The following TMEM163 variants were observed in gnomAD, a reference collection of about 807,000 sequenced individuals.
The protein encoded by TMEM163 is transmembrane protein 163.
TMEM163 carries 17 observed loss-of-function variants against 29.3 expected under a neutral mutation model. The ratio of observed to expected loss-of-function variants is 0.58; its 90% CI spans 0.40 to 0.87. The LOEUF is 0.87. TMEM163 is among the 40% of genes least tolerant of loss of function. The pLI is 0.00. For missense variants in TMEM163, 303 were observed against 381.5 expected, an observed-to-expected ratio of 0.79 and a Z score of 1.71; for synonymous variants, 157 against 160.6, an observed-to-expected ratio of 0.98 and a Z score of 0.17.
chr2:134,489,566 A>ACT (rs991367371), intron 5 of TMEM163, among the ~76,000 whole-genome samples: 10 of 142,402 alleles, frequency 7.0e-5, no homozygotes, highest in East Asian at 2.1e-4. Context: ...ACAGAGCAAG[A>ACT]CTCTCTCTCA....
intron 2 of TMEM163, among the ~76,000 whole-genome samples, chr2:134,612,835 G>A (rs1682535781): frequency 2.6e-5 from 4 of 152,156 alleles, no homozygotes; most frequent in Admixed American, 2.6e-4. Context: ...TATTTTAAAT[G>A]TCTGATCTTC....
intron 2 of TMEM163, among the ~76,000 whole-genome samples, chr2:134,558,274 G>A (rs191310525): frequency 2.0e-5 from 3 of 152,290 alleles, no homozygotes; most frequent in African/African-American, 4.8e-5. Context: ...AGTGGAGCAC[G>A]AGCAGAATGT....
intron 6 of TMEM163, among the ~76,000 whole-genome samples, chr2:134,459,700 G>A (rs1284176995): frequency 2.0e-5 from 3 of 151,708 alleles, no homozygotes; most frequent in Admixed American, 6.6e-5. Context: ...ACCTGCAGTG[G>A]TGACAGGCCC....
chr2:134,662,452 T>C (rs1683776703), intron 2 of TMEM163, among the ~76,000 whole-genome samples: 1 of 152,124 alleles, frequency 6.6e-6, no homozygotes, highest in African/African-American at 2.4e-5. Flanking sequence ...GAATGGGTAT[T>C]GGTTAAAAAG....
chr2:134,519,482 C>T lies in TMEM163; in HGVS notation c.459-16485G>A, dbSNP rs555375648. Among the ~76,000 whole-genome samples, 13 of 152,100 alleles carry T rather than the reference C, an allele frequency of 8.5e-5. No individual in the cohort carries two copies. The East Asian group carries it at 2.1e-3, about 25-fold the overall frequency. On this transcript the variant is annotated intron_variant, in intron 4 of 7. Coordinates refer to ENST00000281924, the MANE Select transcript of TMEM163 (RefSeq NM_030923.5). The stretch of plus-strand genomic sequence containing the variant: ...ATCCCAGCACTTTAGGAGGCCGAGG[C>T]GGGCAGATCATGAGGTCAGGAGATC...
chr2:134,568,383 C>G (rs1423035427), intron 2 of TMEM163, among the ~76,000 whole-genome samples: 2 of 152,036 alleles, frequency 1.3e-5, no homozygotes, highest in South Asian at 2.1e-4. Context: ...AAAAATTACC[C>G]AGACATGGTG....
At chr2:134,674,504 CGCGCGCT>C (rs1558987374) in intron 2 of TMEM163, among the ~76,000 whole-genome samples, 124 of 149,650 alleles carry the variant, frequency 8.3e-4, no homozygotes, top group African/African-American at 3.0e-3. Context: ...CGCGCGCGCG[CGCGCGCT>C]ACCATATCTG....
Position 134,614,862 on chromosome 2 carries a change from A to C in TMEM163, c.323-62771T>G, listed in dbSNP as rs565189504. Among the ~76,000 whole-genome samples, 16 of 152,316 alleles carry C rather than the reference A, an allele frequency of 1.1e-4. No individual in the cohort carries two copies. In the South Asian group the frequency reaches 2.5e-3, roughly 24 times the overall value. On this transcript the variant is annotated intron_variant, in intron 2 of 7. Coordinates refer to ENST00000281924, the MANE Select transcript of TMEM163 (RefSeq NM_030923.5). Reference sequence around the variant, plus strand: ...GAGTGAGAGACTTCATCTAAAAAAAAAAAACAAAACACATTTTCTCTGTAA... The same window carrying C: ...GAGTGAGAGACTTCATCTAAAAAAACAAAACAAAACACATTTTCTCTGTAA...
chr2:134,685,129 A>C (rs144721848), intron 2 of TMEM163, among the ~76,000 whole-genome samples: 9 of 152,256 alleles, frequency 5.9e-5, no homozygotes, highest in Non-Finnish European at 1.2e-4. Flanking sequence ...AATTGACAGA[A>C]TATGTCTTCT....
intron 2 of TMEM163, among the ~76,000 whole-genome samples, chr2:134,567,333 T>TA (rs1230658493): frequency 6.6e-6 from 1 of 152,216 alleles, no homozygotes; most frequent in Non-Finnish European, 1.5e-5. Flanking sequence ...TTAAACTACC[T>TA]AGGTGTAGTC....
At chr2:134,585,518 A>G (rs572285056) in intron 2 of TMEM163, among the ~76,000 whole-genome samples, 163 of 152,312 alleles carry the variant, frequency 1.1e-3, no homozygotes, top group African/African-American at 3.2e-3. Context: ...CGAGGCGGGC[A>G]GATTACGAGG....
At chr2:134,631,328 A>G (rs1413564862) in intron 2 of TMEM163, among the ~76,000 whole-genome samples, 2 of 152,232 alleles carry the variant, frequency 1.3e-5, no homozygotes, top group East Asian at 3.9e-4. Flanking sequence ...ATCTCACACT[A>G]ATGACTTTTT....
rs185873675 is a variant in TMEM163, at chr2:134,491,205, C to T, written c.555+11696G>A. On this transcript the variant is annotated intron_variant, in intron 5 of 7. Transcript: ENST00000281924. ...AGCCCTGATACTCCCATACCCATCT[C>T]TGACGAACACCAGTGTCCTGAATAC... Among the ~76,000 whole-genome samples, 233 of 152,312 alleles carry T rather than the reference C, an allele frequency of 1.5e-3. 4 individuals are homozygous for T. Among genetic ancestry groups the T allele is most frequent in the Non-Finnish European group, 1.2e-4 (8 of 68,026 alleles).
chr2:134,525,110 A>C (rs1255914726), intron 4 of TMEM163, among the ~76,000 whole-genome samples: 1 of 152,216 alleles, frequency 6.6e-6, no homozygotes, highest in Non-Finnish European at 1.5e-5. Flanking sequence ...TTAATGCAAG[A>C]GTTTGAAAAG....
chr2:134,585,508 C>T (rs796314784), intron 2 of TMEM163, among the ~76,000 whole-genome samples: 30 of 152,178 alleles, frequency 2.0e-4, no homozygotes, highest in African/African-American at 4.8e-4. Flanking sequence ...TTTGGGAGGC[C>T]GAGGCGGGCA....
intron 2 of TMEM163, among the ~76,000 whole-genome samples, chr2:134,665,375 T>C (rs1256398223): frequency 1.3e-5 from 2 of 152,028 alleles, no homozygotes; most frequent in African/African-American, 4.8e-5. Flanking sequence ...AACCATCAGA[T>C]CTCATGAGAC....
chr2:134,536,000 G>A (rs977314035), intron 4 of TMEM163, among the ~76,000 whole-genome samples: 8 of 152,274 alleles, frequency 5.3e-5, no homozygotes, highest in African/African-American at 1.9e-4. Flanking sequence ...TGGGATTATA[G>A]GCATGAGCCA....
intron 2 of TMEM163, among the ~76,000 whole-genome samples, chr2:134,576,041 G>A (rs1349016689): frequency 3.9e-5 from 6 of 152,172 alleles, no homozygotes; most frequent in Non-Finnish European, 8.8e-5. Context: ...ATGAGGATTT[G>A]AAGGTGCAGG....
At chr2:134,636,335 G>A (rs1683103820) in intron 2 of TMEM163, among the ~76,000 whole-genome samples, 1 of 152,194 alleles carries the variant, frequency 6.6e-6, no homozygotes, top group Admixed American at 6.5e-5. Flanking sequence ...TTACTTGCAA[G>A]GTTTTGTTAA....
Sources: gnomAD v4.1 joint callset for allele counts (sites outside exome capture counted in the v4.1 genomes callset) on GRCh38, gnomAD v4.1.1 for gene constraint, MANE v1.5 for transcripts, NCBI Gene and HGNC (gene_info 2026-07-23, HGNC 2026-07-21) for gene names.